Variants in RUBCNL observed in about 807,000 individuals in gnomAD.
The protein encoded by RUBCNL is protein associated with UVRAG as autophagy enhancer.
Under a neutral mutation model 69.5 loss-of-function variants are expected in RUBCNL, and 62 were observed. The ratio of observed to expected loss-of-function variants is 0.89; its 90% CI spans 0.73 to 1.10. The LOEUF (loss-of-function observed/expected upper bound fraction) is 1.10, where lower values mean the gene tolerates loss of function less well. RUBCNL is among the 50% of genes least tolerant of loss of function. The pLI is 0.00. For missense variants in RUBCNL, 768 were observed against 798.1 expected (o/e 0.96, Z 0.45); for synonymous variants, 291 against 303.6 (o/e 0.96, Z 0.43).
chr13:46,349,455 A>G, intron 11 of RUBCNL, 108 bp from the exon 12 acceptor site: 1 of 1,084,396 alleles, frequency 9.2e-7, no homozygotes. Flanking sequence ...CTGCACTTGT[A>G]TAAAACAAAC....
chr13:46,347,992 CA>C (rs1291216034), intron 12 of RUBCNL, among the ~76,000 whole-genome samples: 2 of 148,836 alleles, frequency 1.3e-5, no homozygotes, highest in Admixed American at 6.7e-5. Flanking sequence ...GACTCCGTCT[CA>C]AAAAAAAAGA....
chr13:46,356,710 A>T (rs923436156), intron 9 of RUBCNL, among the ~76,000 whole-genome samples: 1 of 151,108 alleles, frequency 6.6e-6, no homozygotes, highest in African/African-American at 2.4e-5. Flanking sequence ...TTTATTTTTC[A>T]TTTTTTTTCC....
chr13:46,348,155 T>C (rs750060028), intron 12 of RUBCNL, among the ~76,000 whole-genome samples: 21 of 152,100 alleles, frequency 1.4e-4, no homozygotes, highest in Non-Finnish European at 2.6e-4. Context: ...GAAAGTAGAA[T>C]AGTGGCTGCC....
chr13:46,340,689 C>T lies in RUBCNL; in HGVS notation c.*2696G>A, dbSNP rs1017245222. 2.0e-5 allele frequency among the ~76,000 whole-genome samples: 3 copies of T among 152,168 alleles called. No homozygotes were observed. The highest frequency in any genetic ancestry group is 7.2e-5 in the African/African-American group (3 of 41,444). On this transcript the variant is annotated 3_prime_UTR_variant, in exon 15 of 15. Transcript: ENST00000429979. ...TGGTTAGGACTTGTGGCTGCTTCCA[C>T]TCATGGTGGAGGGGAAGGGGAGCCT...
In RUBCNL at chr13:46,360,234, C is replaced by T. The variant is rs567279564; in HGVS notation, c.1120-603G>A. On this transcript the variant is annotated intron_variant, in intron 8 of 14. Transcript: ENST00000429979. ...TGAAACCCTGTCTCTACTAAAAGTA[C>T]AAAAGTTAGCCAGAAATTGCTTGAA... Among the ~76,000 whole-genome samples, 6 of 152,160 alleles carry T rather than the reference C, an allele frequency of 3.9e-5. No individual in the cohort carries two copies. In the South Asian group the frequency reaches 1.2e-3, roughly 32 times the overall value.
At chr13:46,345,808 C>T (rs2048235006) in intron 12 of RUBCNL, among the ~76,000 whole-genome samples, 1 of 152,152 alleles carries the variant, frequency 6.6e-6, no homozygotes, top group Admixed American at 6.6e-5. Context: ...GTTAAAATTC[C>T]ATGAAAGCTG....
At chr13:46,369,273 G>A (rs905629365) in intron 3 of RUBCNL, among the ~76,000 whole-genome samples, 13 of 152,106 alleles carry the variant, frequency 8.5e-5, no homozygotes, top group Admixed American at 2.0e-4. Context: ...AGAGTGCAGC[G>A]GCGTGATCAC....
intron 3 of RUBCNL, among the ~76,000 whole-genome samples, chr13:46,371,269 G>C (rs903093210): frequency 2.0e-5 from 3 of 152,188 alleles, no homozygotes; most frequent in African/African-American, 7.2e-5. Context: ...ATAATGACAA[G>C]TGTGACTATA....
chr13:46,348,175 G>A (rs958139318), intron 12 of RUBCNL, among the ~76,000 whole-genome samples: 1 of 152,174 alleles, frequency 6.6e-6, no homozygotes, highest in African/African-American at 2.4e-5. Context: ...CAGGAGTTAG[G>A]CTAAGAGGAA....
Position 46,371,964 on chromosome 13 carries a change from T to C in RUBCNL, c.512A>G (p.His171Arg). ...ETDSAFFEPS[H>R]LTSAADEGAV... ...ACCTTCATCAGCAGCAGATGTCAGA[T>C]GGGAAGGCTCAAAAAAAGCACTGTC... Residue 171 changes from histidine (H) to arginine (R), a missense_variant, in exon 3 of 15, where the codon CAT (histidine) becomes CGT (arginine). By Grantham distance (29) the His-to-Arg change is conservative. Transcript: ENST00000429979. 1 of 1,613,802 alleles carries C rather than the reference T, an allele frequency of 6.2e-7. No individual in the cohort carries two copies. Among genetic ancestry groups the C allele is most frequent in the Non-Finnish European group, 8.5e-7 (1 of 1,179,832 alleles).
chr13:46,376,758 A>G (rs1442950552), intron 2 of RUBCNL, among the ~76,000 whole-genome samples: 3 of 152,230 alleles, frequency 2.0e-5, no homozygotes, highest in African/African-American at 7.2e-5. Flanking sequence ...TTATCTATGA[A>G]TTAACGTACA....
chr13:46,344,333 T>G (rs537425652), intron 14 of RUBCNL, among the ~76,000 whole-genome samples: 2 of 152,168 alleles, frequency 1.3e-5, no homozygotes, highest in South Asian at 4.1e-4. Flanking sequence ...AAGAGCCAGA[T>G]AGCAAATGTT....
At chr13:46,345,669 G>T in intron 12 of RUBCNL, 69 bp from the exon 13 acceptor site, 1 of 1,491,564 alleles carries the variant, frequency 6.7e-7, no homozygotes, top group South Asian at 1.3e-5. Context: ...AATGGGGCCA[G>T]TTGTTTTCTC....
intron 10 of RUBCNL, among the ~76,000 whole-genome samples, chr13:46,354,297 C>T (rs9534380): frequency 0.02 from 3,098 of 152,262 alleles, 49 homozygotes; most frequent in Non-Finnish European, 0.032. Flanking sequence ...ATTAATAGGA[C>T]TGTACCCCAT....
intron 10 of RUBCNL, among the ~76,000 whole-genome samples, chr13:46,356,092 G>A (rs565480999): frequency 6.6e-6 from 1 of 152,254 alleles, no homozygotes; most frequent in East Asian, 1.9e-4. Context: ...TAGTCATGGG[G>A]GTGTCTGCAG....
intron 12 of RUBCNL, among the ~76,000 whole-genome samples, chr13:46,346,222 A>AGGGCACTATTCCCTGCACTTCCAT (rs1246842660): frequency 6.6e-6 from 1 of 152,158 alleles, no homozygotes; most frequent in African/African-American, 2.4e-5. Flanking sequence ...CTTCCAAGAC[A>AGGGCACTATTCCCTGCACTTCCAT]GCCATGGCCT....
intron 1 of RUBCNL, among the ~76,000 whole-genome samples, chr13:46,380,211 G>C (rs1213196170): frequency 2.6e-5 from 4 of 152,194 alleles, no homozygotes; most frequent in Non-Finnish European, 4.4e-5. Flanking sequence ...GTAAGAAGGG[G>C]AAGGCAAAGT....
At chr13:46,375,172 A>G (rs995920002) in intron 2 of RUBCNL, among the ~76,000 whole-genome samples, 12 of 152,206 alleles carry the variant, frequency 7.9e-5, no homozygotes, top group Admixed American at 2.6e-4. Context: ...CTAGAGCTGC[A>G]TATCAGGGTT....
In RUBCNL at chr13:46,362,923, CATATATATATATATAGATATAT is replaced by C. The variant is rs1217789206; in HGVS notation, c.925+170_925+191del. Among the ~76,000 whole-genome samples the C allele has an allele frequency of 1.2e-3, 104 of 88,050 alleles. 4 individuals carry two copies. Among genetic ancestry groups the C allele is most frequent in the South Asian group, 0.01 (25 of 2,476 alleles). 57.8% of individuals were successfully genotyped at this position (88,050 alleles called of 152,430 possible). The stretch of plus-strand genomic sequence containing the variant: ...ATCCAGACATTTGAAACAAGAACAT[CATATATATATATATAGATATAT>C]ATATATATATATATATATATATATA... On this transcript the variant is annotated intron_variant, in intron 6 of 14. Coordinates refer to ENST00000429979, the MANE Select transcript of RUBCNL (RefSeq NM_025113.5).
Sources: gnomAD v4.1 joint callset for allele counts (sites outside exome capture counted in the v4.1 genomes callset) on GRCh38, gnomAD v4.1.1 for gene constraint, MANE v1.5 for transcripts, NCBI Gene and HGNC (gene_info 2026-07-23, HGNC 2026-07-21) for gene names.